ADAMTSL1: variants seen among roughly 807,000 people sequenced by gnomAD.
The protein encoded by ADAMTSL1 is ADAMTS like 1.
Under a neutral mutation model 201.8 loss-of-function variants are expected in ADAMTSL1, and 126 were observed. The ratio of observed to expected loss-of-function variants is 0.62; its 90% confidence interval spans 0.54 to 0.72. ADAMTSL1 has a LOEUF of 0.72. Among genes scored for constraint, ADAMTSL1 ranks in the 30% least tolerant of loss-of-function variants. The probability of loss-of-function intolerance (pLI) is 0.00; values close to 1 mark genes in which losing one functional copy is unlikely to be tolerated. For missense variants in ADAMTSL1, 2,679 were observed against 2,277.8 expected, an observed-to-expected ratio of 1.18 and a Z score of -3.59; for synonymous variants, 1,121 against 903.4, an observed-to-expected ratio of 1.24 and a Z score of -4.32.
At chr9:18,185,207 C>T (rs146695608) in intron 2 of ADAMTSL1, among the ~76,000 whole-genome samples, 366 of 152,126 alleles carry the variant, frequency 2.4e-3, no homozygotes, top group African/African-American at 8.5e-3. Context: ...ATGGCAAAGA[C>T]GACAGGATAT....
At chr9:18,794,830 C>T (rs10963765) in intron 19 of ADAMTSL1, among the ~76,000 whole-genome samples, 8,356 of 152,100 alleles carry the variant, frequency 0.055, 512 homozygotes, top group East Asian at 0.33. Context: ...TTAGTAGAGA[C>T]GGAGCTTTGC....
chr9:18,839,336 A>T (rs1825562360), intron 23 of ADAMTSL1, among the ~76,000 whole-genome samples: 1 of 151,908 alleles, frequency 6.6e-6, no homozygotes, highest in African/African-American at 2.4e-5. Flanking sequence ...TTCCAATTTC[A>T]TGCATGTCCC....
chr9:18,829,500 A>G (rs1824839128), intron 22 of ADAMTSL1, among the ~76,000 whole-genome samples: 1 of 152,212 alleles, frequency 6.6e-6, no homozygotes, highest in African/African-American at 2.4e-5. Flanking sequence ...AGTAAATGCT[A>G]AAATTCACTT....
At chr9:18,753,625 C>T (rs1224070256) in intron 16 of ADAMTSL1, 117 bp downstream of exon 16, 4 of 1,131,624 alleles carry the variant, frequency 3.5e-6, no homozygotes, top group South Asian at 1.3e-5. Flanking sequence ...AAGATCTGCT[C>T]ATTTCTCCCT....
intron 2 of ADAMTSL1, among the ~76,000 whole-genome samples, chr9:18,450,309 T>G (rs1446315178): frequency 1.3e-5 from 2 of 152,092 alleles, no homozygotes; most frequent in Non-Finnish European, 2.9e-5. Context: ...TCAAAACTCA[T>G]AAAATTGAAT....
In ADAMTSL1 at chr9:18,867,413, CAG is replaced by C. The variant is rs1447241454; in HGVS notation, c.4250-20415_4250-20414del. Among the ~76,000 whole-genome samples, 19 of 152,342 alleles carry C rather than the reference CAG, an allele frequency of 1.2e-4. No individual in the cohort carries two copies. The East Asian group carries it at 3.7e-3, about 29-fold the overall frequency. On this transcript the variant is annotated intron_variant, in intron 23 of 28. Transcript: ENST00000380548. The stretch of plus-strand genomic sequence containing the variant: ...GTATGTAAAAGCAATTGTTTAGACA[CAG>C]AGTCATTCCTGATGATTTAAACAGT...
At chr9:18,348,962 T>A (rs1835844445) in intron 2 of ADAMTSL1, among the ~76,000 whole-genome samples, 1 of 152,206 alleles carries the variant, frequency 6.6e-6, no homozygotes, top group Non-Finnish European at 1.5e-5. Flanking sequence ...TCTCATTTAA[T>A]CCTCATGTTG....
intron 23 of ADAMTSL1, among the ~76,000 whole-genome samples, chr9:18,850,463 G>A (rs1826421980): frequency 6.6e-6 from 1 of 152,196 alleles, no homozygotes; most frequent in Non-Finnish European, 1.5e-5. Context: ...GAGGCTGACT[G>A]TAGAAGAGAG....
chr9:18,575,539 G>A (rs568310098), intron 4 of ADAMTSL1, among the ~76,000 whole-genome samples: 1 of 152,242 alleles, frequency 6.6e-6, no homozygotes, highest in East Asian at 1.9e-4. Context: ...TCCTCCTCTA[G>A]GACTCTTAGT....
chr9:18,007,878 T>G (rs1819895283), intron 1 of ADAMTSL1, among the ~76,000 whole-genome samples: 1 of 152,014 alleles, frequency 6.6e-6, no homozygotes, highest in Non-Finnish European at 1.5e-5. Context: ...AACTTGCTAA[T>G]GAAGGAAAAT....
chr9:18,184,237 T>G (rs79920193), intron 2 of ADAMTSL1, among the ~76,000 whole-genome samples: 8 of 152,180 alleles, frequency 5.3e-5, no homozygotes, highest in Non-Finnish European at 7.3e-5. Flanking sequence ...TTATGCACAC[T>G]AAATACTTTA....
chr9:17,937,020 C>T lies in ADAMTSL1; in HGVS notation c.87+30098C>T, dbSNP rs573467183. The stretch of plus-strand genomic sequence containing the variant: ...GTGGGTGAGATCCTTGCTCCACTGG[C>T]CCTCCGCTAGCCAGTGTGTGATTGC... On this transcript the variant is annotated intron_variant, in intron 1 of 29. Coordinates refer to the ADAMTSL1 transcript ENST00000680146. Among the ~76,000 whole-genome samples the T allele has an allele frequency of 1.2e-4, 18 of 152,244 alleles. No homozygotes were observed. In the East Asian group the frequency reaches 3.5e-3, roughly 29 times the overall value.
intron 1 of ADAMTSL1, among the ~76,000 whole-genome samples, chr9:17,985,775 G>A (rs903694371): frequency 6.6e-6 from 1 of 152,120 alleles, no homozygotes; most frequent in Non-Finnish European, 1.5e-5. Context: ...ATTCATGGAG[G>A]TTCTGATGTA....
In ADAMTSL1 at chr9:17,909,923, T is replaced by C. The variant is rs1436041325; in HGVS notation, c.87+3001T>C. On this transcript the variant is annotated intron_variant, in intron 1 of 29. Transcript: ENST00000680146. ...GTGCAGCGCACCAGCATGGCACATG[T>C]ATACATATGTAACTAACCTGCACAT... 6.1e-5 allele frequency among the ~76,000 whole-genome samples: 4 copies of C among 65,922 alleles called. 2 individuals carry two copies. The Admixed American group carries it at 7.3e-4, about 12-fold the overall frequency. The allele number at this position is 65,922 out of a possible 152,430, so 43.2% of individuals were successfully genotyped here. A position where few individuals can be genotyped will look rare whatever the true frequency, so the allele number is the denominator to read the frequency against.
At chr9:18,397,390 T>A (rs904256789) in intron 2 of ADAMTSL1, among the ~76,000 whole-genome samples, 2 of 152,100 alleles carry the variant, frequency 1.3e-5, no homozygotes, top group African/African-American at 4.8e-5. Flanking sequence ...ATTGAATCCA[T>A]GATTAAAGAT....
intron 2 of ADAMTSL1, among the ~76,000 whole-genome samples, chr9:18,351,923 G>C (rs778731260): frequency 6.6e-6 from 1 of 152,124 alleles, no homozygotes; most frequent in African/African-American, 2.4e-5. Flanking sequence ...GGTATAGACA[G>C]TGGTTTCAAA....
At chr9:18,628,704 A>C (rs1826552719) in intron 5 of ADAMTSL1, among the ~76,000 whole-genome samples, 1 of 152,178 alleles carries the variant, frequency 6.6e-6, no homozygotes, top group Admixed American at 6.5e-5. Context: ...CACTCAATCT[A>C]TAAGGTATGA....
chr9:18,551,205 G>T (rs572157656), intron 3 of ADAMTSL1, among the ~76,000 whole-genome samples: 7 of 151,938 alleles, frequency 4.6e-5, no homozygotes, highest in African/African-American at 1.7e-4. Context: ...ATCCTTGCCA[G>T]TGCTTGATAT....
intron 23 of ADAMTSL1, among the ~76,000 whole-genome samples, chr9:18,837,501 G>T (rs936350786): frequency 6.6e-6 from 1 of 152,096 alleles, no homozygotes; most frequent in Non-Finnish European, 1.5e-5. Context: ...AAATCATAAG[G>T]TCTGGCTTGT....
Sources: gnomAD v4.1 joint callset for allele counts (sites outside exome capture counted in the v4.1 genomes callset) on GRCh38, gnomAD v4.1.1 for gene constraint, MANE v1.5 for transcripts, NCBI Gene and HGNC (gene_info 2026-07-23, HGNC 2026-07-21) for gene names.